The following CSGALNACT1 variants were observed in gnomAD, a reference collection of about 807,000 sequenced individuals.
CSGALNACT1 encodes the protein beta4GalNAcT-1.
Under a neutral mutation model 51.0 loss-of-function variants are expected in CSGALNACT1, and 52 were observed. That is an observed-to-expected ratio of 1.02 (90% CI 0.82 to 1.29). The LOEUF is 1.29. CSGALNACT1 is among the 50% of genes most tolerant of loss of function. The pLI is 0.00. For synonymous variants in CSGALNACT1, 341 were observed against 254.4 expected (o/e 1.34, Z -3.24); for missense variants, 935 against 679.2 (o/e 1.38, Z -4.19).
In CSGALNACT1 at chr8:19,458,618, T is replaced by C; in HGVS notation, c.659A>G (p.Lys220Arg). ...GAAGGTGAGCTCATACAATGTCCCT[T>C]TGTCCCTTTCTGTTCGGTAGATCCC... The change falls in exon 5 of 10, where the codon AAA (lysine) becomes AGA (arginine). Residue 220 changes from lysine (K) to arginine (R), a missense_variant. By Grantham distance (26) the Lys-to-Arg change is conservative (BLOSUM62 2). Coordinates refer to ENST00000454498, the Ensembl canonical transcript of CSGALNACT1. 6.2e-7 allele frequency: 1 copy of C among 1,614,188 alleles called. No homozygotes were observed. Among genetic ancestry groups the C allele is most frequent in the Non-Finnish European group, 8.5e-7 (1 of 1,180,030 alleles).
At chr8:19,629,580 T>TTA (rs1379253012) in intron 1 of CSGALNACT1, among the ~76,000 whole-genome samples, 1 of 152,240 alleles carries the variant, frequency 6.6e-6, no homozygotes, top group Non-Finnish European at 1.5e-5. Context: ...TTCCATTATG[T>TTA]TATATACATT....
At chr8:19,409,187 G>A (rs2055063232) in intron 8 of CSGALNACT1, among the ~76,000 whole-genome samples, 1 of 152,174 alleles carries the variant, frequency 6.6e-6, no homozygotes, top group African/African-American at 2.4e-5. Flanking sequence ...TCCACTCACA[G>A]GACTCCCTTG....
At chr8:19,435,414 A>G (rs1245021925) in intron 6 of CSGALNACT1, among the ~76,000 whole-genome samples, 2 of 151,204 alleles carry the variant, frequency 1.3e-5, no homozygotes, top group African/African-American at 4.9e-5. Flanking sequence ...AATTGCTTGA[A>G]CCCAAGAGGT....
At chr8:19,516,884 A>T (rs572947778) in intron 3 of CSGALNACT1, among the ~76,000 whole-genome samples, 7 of 152,284 alleles carry the variant, frequency 4.6e-5, no homozygotes, top group Admixed American at 2.0e-4. Flanking sequence ...TCAGTGGTTC[A>T]AGTGCTGCCT....
chr8:19,460,212 A>G (rs2065055444), intron 4 of CSGALNACT1, among the ~76,000 whole-genome samples: 1 of 152,180 alleles, frequency 6.6e-6, no homozygotes, highest in African/African-American at 2.4e-5. Flanking sequence ...CATTTCAGTT[A>G]CCTGAAGTAC....
At chr8:19,642,013 T>C (rs1035005119) in intron 1 of CSGALNACT1, 2 of 152,220 alleles carry the variant, frequency 1.3e-5, no homozygotes, top group Non-Finnish European at 2.9e-5. Context: ...CAACGCCTGA[T>C]GTCTGTGTCT....
intron 4 of CSGALNACT1, among the ~76,000 whole-genome samples, chr8:19,503,327 G>A (rs894684559): frequency 6.6e-6 from 1 of 152,216 alleles, no homozygotes; most frequent in Non-Finnish European, 1.5e-5. Context: ...GGTCAGCCAA[G>A]CCTCAGAGCA....
chr8:19,547,784 T>C (rs1245741162), intron 3 of CSGALNACT1, among the ~76,000 whole-genome samples: 1 of 152,238 alleles, frequency 6.6e-6, no homozygotes, highest in East Asian at 1.9e-4. Flanking sequence ...GATGGATCAC[T>C]GATTTGTACA....
chr8:19,756,714 C>A (rs2065406262), intron 1 of CSGALNACT1, among the ~76,000 whole-genome samples: 1 of 152,168 alleles, frequency 6.6e-6, no homozygotes, highest in South Asian at 2.1e-4. Context: ...CGCTGCCCAC[C>A]GGCCACCCTC....
intron 1 of CSGALNACT1, among the ~76,000 whole-genome samples, chr8:19,742,584 T>C (rs1026049502): frequency 3.3e-5 from 5 of 152,236 alleles, no homozygotes; most frequent in Non-Finnish European, 7.3e-5. Flanking sequence ...GACTAGCTAC[T>C]GAACCCTGAA....
At chr8:19,537,355 G>A (rs935172668) in intron 3 of CSGALNACT1, among the ~76,000 whole-genome samples, 5 of 152,110 alleles carry the variant, frequency 3.3e-5, no homozygotes, top group South Asian at 4.1e-4. Flanking sequence ...AACGGTCTTC[G>A]TGGCTTCAGA....
chr8:19,413,533 C>G (rs2056298140), intron 8 of CSGALNACT1, among the ~76,000 whole-genome samples: 1 of 152,162 alleles, frequency 6.6e-6, no homozygotes, highest in African/African-American at 2.4e-5. Context: ...GTGTATGTTT[C>G]CTGAATAAAT....
chr8:19,695,145 T>A (rs999181877), intron 1 of CSGALNACT1, among the ~76,000 whole-genome samples: 1 of 152,214 alleles, frequency 6.6e-6, no homozygotes, highest in African/African-American at 2.4e-5. Context: ...TAATTTCACA[T>A]CAATGTGAAA....
chr8:19,588,764 G>A (rs1006008156), intron 3 of CSGALNACT1, among the ~76,000 whole-genome samples: 4 of 152,204 alleles, frequency 2.6e-5, no homozygotes, highest in African/African-American at 9.6e-5. Flanking sequence ...CATGACATGA[G>A]TTCAAGACAG....
chr8:19,735,293 A>G (rs927980858), intron 1 of CSGALNACT1, among the ~76,000 whole-genome samples: 4 of 152,140 alleles, frequency 2.6e-5, no homozygotes, highest in Non-Finnish European at 2.9e-5. Flanking sequence ...GGGCCCCAAA[A>G]TTTCCATATC....
At chr8:19,667,865 T>TA (rs2059505494) in intron 1 of CSGALNACT1, among the ~76,000 whole-genome samples, 1 of 152,104 alleles carries the variant, frequency 6.6e-6, no homozygotes, top group Non-Finnish European at 1.5e-5. Flanking sequence ...ATAAAGCATA[T>TA]AAAAAAGTAT....
chr8:19,472,829 T>C (rs938835147), intron 4 of CSGALNACT1, among the ~76,000 whole-genome samples: 8 of 152,218 alleles, frequency 5.3e-5, no homozygotes, highest in South Asian at 4.1e-4. Flanking sequence ...TACTCATTCA[T>C]TGATATCAAT....
At chr8:19,690,666 T>G (rs778294949) in intron 1 of CSGALNACT1, among the ~76,000 whole-genome samples, 1 of 152,218 alleles carries the variant, frequency 6.6e-6, no homozygotes, top group Non-Finnish European at 1.5e-5. Context: ...GGAATTCACA[T>G]TTGCAGTTTG....
At chr8:19,428,825 A>ATATG (rs1263429048) in intron 6 of CSGALNACT1, among the ~76,000 whole-genome samples, 2,242 of 143,458 alleles carry the variant, frequency 0.016, 49 homozygotes, top group African/African-American at 0.032. Context: ...AAGACATGAT[A>ATATG]TGTGTGTGTG....
Sources: allele counts gnomAD v4.1 joint callset (sites outside exome capture counted in the v4.1 genomes callset), GRCh38; gene constraint gnomAD v4.1.1; transcripts MANE v1.5; gene names NCBI Gene and HGNC (gene_info 2026-07-23, HGNC 2026-07-21).